Variants in ADAMTSL1 observed in about 807,000 individuals in gnomAD.
ADAMTSL1 encodes the protein ADAMTS like 1.
ADAMTSL1 carries 126 observed loss-of-function variants against 201.8 expected under a neutral mutation model. The observed-to-expected ratio is 0.62, with a 90% CI of 0.54 to 0.72. The LOEUF (loss-of-function observed/expected upper bound fraction) is 0.72. ADAMTSL1 is among the 30% of genes least tolerant of loss of function. The pLI, the probability that ADAMTSL1 is intolerant of heterozygous loss-of-function variation, is 0.00. For missense variants in ADAMTSL1, 2,679 were observed against 2,277.8 expected, an observed-to-expected ratio of 1.18 and a Z score of -3.59; for synonymous variants, 1,121 against 903.4, an observed-to-expected ratio of 1.24 and a Z score of -4.32.
At chr9:18,384,075 C>A (rs1837678742) in intron 2 of ADAMTSL1, among the ~76,000 whole-genome samples, 2 of 152,118 alleles carry the variant, frequency 1.3e-5, no homozygotes, top group African/African-American at 4.8e-5. Context: ...GCTATAAAGA[C>A]ATACTTGAGA....
intron 2 of ADAMTSL1, among the ~76,000 whole-genome samples, chr9:18,350,179 G>GGTGT (rs1420926869): frequency 6.6e-6 from 1 of 151,948 alleles, no homozygotes; most frequent in African/African-American, 2.4e-5. Context: ...CTGGTCCCCA[G>GGTGT]GTGTGTAAGA....
chr9:18,311,707 G>A (rs1834164507), intron 2 of ADAMTSL1, among the ~76,000 whole-genome samples: 1 of 152,180 alleles, frequency 6.6e-6, no homozygotes, highest in African/African-American at 2.4e-5. Flanking sequence ...AGGGAGCCCT[G>A]AATGTGTCAT....
chr9:18,287,508 A>G (rs1218948501), intron 2 of ADAMTSL1, among the ~76,000 whole-genome samples: 1 of 151,616 alleles, frequency 6.6e-6, no homozygotes, highest in Non-Finnish European at 1.5e-5. Context: ...TTATATGTGC[A>G]CATATGTAAT....
At chr9:18,481,375 T>C (rs1185714875) in intron 1 of ADAMTSL1, among the ~76,000 whole-genome samples, 2 of 152,108 alleles carry the variant, frequency 1.3e-5, no homozygotes, top group Admixed American at 1.3e-4. Context: ...TGAAACCCCA[T>C]CTCTACTAAA....
intron 11 of ADAMTSL1, 52 bp from the exon 12 acceptor site, chr9:18,681,760 A>G (rs1366867348): frequency 5.5e-6 from 8 of 1,443,578 alleles, no homozygotes; most frequent in African/African-American, 1.5e-5. Context: ...AGTGAAGAAA[A>G]GTAAACAAGG....
chr9:18,139,125 T>C (rs1224913590), intron 1 of ADAMTSL1, among the ~76,000 whole-genome samples: 1 of 152,206 alleles, frequency 6.6e-6, no homozygotes, highest in African/African-American at 2.4e-5. Context: ...TTTTGACTGA[T>C]TGACTGATTG....
At chr9:18,132,623 A>C (rs909243711) in intron 1 of ADAMTSL1, among the ~76,000 whole-genome samples, 6 of 152,116 alleles carry the variant, frequency 3.9e-5, no homozygotes, top group Non-Finnish European at 8.8e-5. Context: ...CACTTCTCCA[A>C]GTGGGCTTCT....
At chr9:18,079,161 G>A (rs1167736095) in intron 1 of ADAMTSL1, among the ~76,000 whole-genome samples, 1 of 152,098 alleles carries the variant, frequency 6.6e-6, no homozygotes, top group African/African-American at 2.4e-5. Flanking sequence ...TCATTGTCTA[G>A]CAGTTCTCAC....
intron 2 of ADAMTSL1, among the ~76,000 whole-genome samples, chr9:18,293,118 G>A (rs7047640): frequency 0.031 from 4,718 of 152,222 alleles, 126 homozygotes; most frequent in African/African-American, 0.073. Context: ...TGGCTGCATC[G>A]TATTCAGTGG....
chr9:18,553,520 C>T (rs1331787687), intron 3 of ADAMTSL1, among the ~76,000 whole-genome samples: 1 of 151,762 alleles, frequency 6.6e-6, no homozygotes, highest in Non-Finnish European at 1.5e-5. Context: ...TATTTGATCC[C>T]ATTTTTTCTC....
At chr9:18,046,561 C>A (rs995269910) in intron 1 of ADAMTSL1, among the ~76,000 whole-genome samples, 5 of 152,086 alleles carry the variant, frequency 3.3e-5, no homozygotes, top group African/African-American at 1.2e-4. Context: ...ACCATGTGTC[C>A]AGCTAAAAAT....
intron 2 of ADAMTSL1, among the ~76,000 whole-genome samples, chr9:18,223,793 T>G (rs1309153793): frequency 2.0e-5 from 3 of 152,010 alleles, no homozygotes; most frequent in Admixed American, 2.0e-4. Flanking sequence ...GTAGCTTGTT[T>G]CTTTATGGGA....
chr9:18,698,342 A>G (rs1449343010), intron 13 of ADAMTSL1, among the ~76,000 whole-genome samples: 1 of 151,948 alleles, frequency 6.6e-6, no homozygotes, highest in African/African-American at 2.4e-5. Context: ...GTGCAGTGGC[A>G]TGATGATCTC....
At chr9:18,034,908 A>G (rs1450120083) in intron 1 of ADAMTSL1, among the ~76,000 whole-genome samples, 1 of 151,698 alleles carries the variant, frequency 6.6e-6, no homozygotes, top group African/African-American at 2.4e-5. Context: ...TATATTTTAA[A>G]CTCCTCGGTA....
Position 18,425,117 on chromosome 9 carries a change from T to C in ADAMTSL1, c.208-79712T>C, listed in dbSNP as rs1425069946. Among the ~76,000 whole-genome samples the C allele has an allele frequency of 2.0e-5, 3 of 152,138 alleles. No individual in the cohort carries two copies. The East Asian group carries it at 5.8e-4, about 29-fold the overall frequency. On this transcript the variant is annotated intron_variant, in intron 2 of 29. Transcript: ENST00000680146. ...TGATTTATCTGCTTTGCAATTTTTC[T>C]GTACAGTGTGCATTCTCTCTCTCTC...
intron 1 of ADAMTSL1, among the ~76,000 whole-genome samples, chr9:18,002,051 C>G (rs986298591): frequency 6.6e-6 from 1 of 151,780 alleles, no homozygotes; most frequent in Non-Finnish European, 1.5e-5. Context: ...CTTTCCTACA[C>G]TGAAAGGATG....
chr9:18,654,739 C>G (rs560709563), intron 7 of ADAMTSL1, among the ~76,000 whole-genome samples: 17 of 152,302 alleles, frequency 1.1e-4, no homozygotes, highest in African/African-American at 4.1e-4. Flanking sequence ...ACCAGAACAG[C>G]CAAAAATTGA....
At chr9:18,204,094 T>C (rs1181035042) in intron 2 of ADAMTSL1, among the ~76,000 whole-genome samples, 1 of 152,182 alleles carries the variant, frequency 6.6e-6, no homozygotes, top group Non-Finnish European at 1.5e-5. Flanking sequence ...TACTATTTAT[T>C]ATCTACTGTG....
intron 1 of ADAMTSL1, among the ~76,000 whole-genome samples, chr9:18,034,928 G>T (rs1586926430): frequency 2.0e-5 from 3 of 152,212 alleles, no homozygotes; most frequent in African/African-American, 7.2e-5. Context: ...ATGGTAATCA[G>T]ATTGTTCTAG....
Sources: allele counts gnomAD v4.1 joint callset (sites outside exome capture counted in the v4.1 genomes callset), GRCh38; gene constraint gnomAD v4.1.1; transcripts MANE v1.5; gene names NCBI Gene and HGNC (gene_info 2026-07-23, HGNC 2026-07-21).